Variants in RPH3AL observed in about 807,000 individuals in gnomAD.
RPH3AL encodes rabphilin 3A like (without C2 domains).
Under a neutral mutation model 43.1 loss-of-function variants are expected in RPH3AL, and 38 were observed. That is an observed-to-expected ratio of 0.88 (90% CI 0.68 to 1.15). The LOEUF (loss-of-function observed/expected upper bound fraction) is 1.15. RPH3AL is among the 50% of genes most tolerant of loss of function. The probability of loss-of-function intolerance (pLI) is 0.00; values close to 1 mark genes in which losing one functional copy is unlikely to be tolerated. For missense variants in RPH3AL, 462 were observed against 423.2 expected (o/e 1.09, Z -0.81); for synonymous variants, 189 against 176.3 (o/e 1.07, Z -0.57).
At chr17:313,885 A>C (rs76511644) in intron 5 of RPH3AL, among the ~76,000 whole-genome samples, 1 of 150,588 alleles carries the variant, frequency 6.6e-6, no homozygotes, top group African/African-American at 2.5e-5. Context: ...CCCCTAATAC[A>C]CTCCCCTCCC....
chr17:306,146 C>G (rs1040405303), intron 5 of RPH3AL, among the ~76,000 whole-genome samples: 1 of 151,228 alleles, frequency 6.6e-6, no homozygotes, highest in African/African-American at 2.4e-5. Context: ...CAGGTGTGAG[C>G]CACTGCGCCC....
intron 5 of RPH3AL, among the ~76,000 whole-genome samples, chr17:302,186 T>G (rs1567628385): frequency 6.6e-6 from 1 of 152,236 alleles, no homozygotes; most frequent in Non-Finnish European, 1.5e-5. Context: ...AGGCCTGGAC[T>G]GAGCCCGAGC....
rs1369917540 is a variant in RPH3AL, at chr17:322,633, G to A, written c.78-1218C>T. Among the ~76,000 whole-genome samples, 1 of 152,120 alleles carries A rather than the reference G, an allele frequency of 6.6e-6. No individual in the cohort carries two copies. The highest frequency in any genetic ancestry group is 1.5e-5 in the Non-Finnish European group (1 of 68,012). On this transcript the variant is annotated intron_variant, in intron 3 of 9. Transcript: ENST00000331302. The surrounding 1 kb of genome is among the most constrained non-coding windows in gnomAD (Gnocchi z 4.0). ...GCTCTGGAAAGGCTCGCTTTCTTTAGGGAAGTGTCAGAAGGCAAGAGTCCT... is the reference window on the plus strand; with the variant it reads ...GCTCTGGAAAGGCTCGCTTTCTTTAAGGAAGTGTCAGAAGGCAAGAGTCCT...
chr17:314,486 T>C (rs1555518205), intron 5 of RPH3AL, among the ~76,000 whole-genome samples: 2 of 138,836 alleles, frequency 1.4e-5, no homozygotes, highest in African/African-American at 2.7e-5. Flanking sequence ...TCCATTGACC[T>C]GTAGTCCCTA....
intron 3 of RPH3AL, among the ~76,000 whole-genome samples, chr17:321,891 G>A (rs573354789): frequency 6.6e-6 from 1 of 152,360 alleles, no homozygotes; most frequent in East Asian, 1.9e-4. Flanking sequence ...ACACAGAGAA[G>A]GCCAAGGTCA....
At chr17:267,570 C>A (rs78179080) in intron 6 of RPH3AL, among the ~76,000 whole-genome samples, 3,364 of 152,344 alleles carry the variant, frequency 0.022, 124 homozygotes, top group African/African-American at 0.076. Flanking sequence ...GGGCTGACCC[C>A]AATCGGCAGG....
At chr17:263,196 T>C (rs2042241239) in intron 6 of RPH3AL, among the ~76,000 whole-genome samples, 1 of 152,002 alleles carries the variant, frequency 6.6e-6, no homozygotes. Flanking sequence ...AGAGGCGGCC[T>C]CCATATCCAC....
intron 1 of RPH3AL, among the ~76,000 whole-genome samples, chr17:348,112 A>G (rs1461737162): frequency 7.0e-6 from 1 of 143,384 alleles, no homozygotes; most frequent in Non-Finnish European, 1.5e-5. Context: ...AAAAAAAAAC[A>G]GAGCTGGCAA....
At chr17:269,621 T>A (rs1442127511) in intron 6 of RPH3AL, among the ~76,000 whole-genome samples, 1 of 152,232 alleles carries the variant, frequency 6.6e-6, no homozygotes, top group Non-Finnish European at 1.5e-5. Context: ...CTCTTCTCTC[T>A]AAGCTTCAGT....
intron 7 of RPH3AL, among the ~76,000 whole-genome samples, chr17:231,062 G>A (rs2041220674): frequency 6.6e-6 from 1 of 152,150 alleles, no homozygotes; most frequent in Non-Finnish European, 1.5e-5. Flanking sequence ...GTGTCTTTGT[G>A]TGTTCAGAGC....
At position 332,960 on chromosome 17, in the gene RPH3AL, C is replaced by T. The variant is rs568393726; in HGVS notation, c.-37+799G>A. 71 of 1,221,368 alleles carry T rather than the reference C, an allele frequency of 5.8e-5. No homozygotes were observed. In the African/African-American group the frequency reaches 5.9e-4, roughly 10 times the overall value. 75.7% of individuals were successfully genotyped at this position (1,221,368 alleles called of 1,614,324 possible). ...GTACAGGGAACGGAACAGGAGTTGC[C>T]GGTGATAATTTCCCGAAAAATTCCT... On this transcript the variant is annotated intron_variant, in intron 2 of 9. Coordinates refer to ENST00000331302, the MANE Select transcript of RPH3AL (RefSeq NM_006987.4).
intron 5 of RPH3AL, among the ~76,000 whole-genome samples, chr17:314,284 T>A (rs1012355764): frequency 1.3e-5 from 2 of 152,102 alleles, no homozygotes; most frequent in African/African-American, 2.4e-5. Context: ...CCCCTATACC[T>A]GGAATATTCA....
At chr17:299,854 C>G (rs1018954357) in intron 5 of RPH3AL, among the ~76,000 whole-genome samples, 15 of 152,394 alleles carry the variant, frequency 9.8e-5, no homozygotes, top group African/African-American at 3.6e-4. Context: ...AGAGGCTACA[C>G]TGACCAGACC....
chr17:223,544 G>A (rs2041039353), intron 7 of RPH3AL, among the ~76,000 whole-genome samples: 1 of 152,184 alleles, frequency 6.6e-6, no homozygotes, highest in Non-Finnish European at 1.5e-5. Flanking sequence ...AGGTAAGACT[G>A]GAAACAAAAT....
Position 297,851 on chromosome 17 carries a change from T to C in RPH3AL, c.352-15997A>G, listed in dbSNP as rs1265071473. 2.0e-5 allele frequency among the ~76,000 whole-genome samples: 3 copies of C among 152,024 alleles called. No individual in the cohort carries two copies. The East Asian group carries it at 5.8e-4, about 29-fold the overall frequency. On this transcript the variant is annotated intron_variant, in intron 5 of 9. Coordinates refer to ENST00000331302, the MANE Select transcript of RPH3AL (RefSeq NM_006987.4). ...AGGGCATTCCGCAAACACTTGTAAG[T>C]CCCCGTTACTCCCGGGCCCTGGACT...
Position 246,388 on chromosome 17 carries a change from G to A in RPH3AL, c.613+723C>T, listed in dbSNP as rs2151543857. Among the ~76,000 whole-genome samples the A allele has an allele frequency of 6.6e-6, 1 of 152,260 alleles. No individual in the cohort carries two copies. Among genetic ancestry groups the A allele is most frequent in the South Asian group, 2.1e-4 (1 of 4,828 alleles). On this transcript the variant is annotated intron_variant, in intron 7 of 9. Coordinates refer to ENST00000331302, the MANE Select transcript of RPH3AL (RefSeq NM_006987.4). The surrounding 1 kb of genome is among the most constrained non-coding windows in gnomAD (Gnocchi z 4.8). ...CAGATGCCAGAGAGGGTAAGAGCCT[G>A]CCCTTGGATCCCAGCTCGGCCACAC...
intron 6 of RPH3AL, among the ~76,000 whole-genome samples, chr17:276,015 C>A (rs1440299936): frequency 6.6e-6 from 1 of 152,182 alleles, no homozygotes; most frequent in Admixed American, 6.5e-5. Context: ...TTTACAAAGG[C>A]AAGCAGCTCA....
At chr17:226,486 T>C (rs1021332687) in intron 7 of RPH3AL, among the ~76,000 whole-genome samples, 13 of 152,224 alleles carry the variant, frequency 8.5e-5, no homozygotes, top group African/African-American at 3.1e-4. Context: ...CAAATCCCAT[T>C]TCTAATCCAC....
At chr17:271,442 CTT>C (rs2042461381) in intron 6 of RPH3AL, among the ~76,000 whole-genome samples, 1 of 152,124 alleles carries the variant, frequency 6.6e-6, no homozygotes, top group Admixed American at 6.5e-5. Context: ...TGTGCCCTCT[CTT>C]ATTTTGTTGA....
Sources: gnomAD v4.1 joint callset for allele counts (sites outside exome capture counted in the v4.1 genomes callset) on GRCh38, gnomAD v4.1.1 for gene constraint, Gnocchi (gnomAD v3.1) non-coding constraint, MANE v1.5 for transcripts, NCBI Gene and HGNC (gene_info 2026-07-23, HGNC 2026-07-21) for gene names.